The following CTNNA3 variants were observed in gnomAD, a reference collection of about 807,000 sequenced individuals.
The protein encoded by CTNNA3 is catenin alpha-3.
In CTNNA3, 76 loss-of-function variants were observed where a neutral mutation model predicts 95.7. The ratio of observed to expected loss-of-function variants is 0.79; its 90% CI spans 0.66 to 0.96. CTNNA3 has a LOEUF of 0.96. CTNNA3 is among the 40% of genes least tolerant of loss of function. The pLI, the probability that CTNNA3 is intolerant of heterozygous loss-of-function variation, is 0.00. For missense variants in CTNNA3, 1,191 were observed against 1,089.8 expected, an observed-to-expected ratio of 1.09 and a Z score of -1.31; for synonymous variants, 431 against 374.4, an observed-to-expected ratio of 1.15 and a Z score of -1.74.
chr10:66,791,456 T>C (rs1048232643), intron 7 of CTNNA3, among the ~76,000 whole-genome samples: 9 of 152,200 alleles, frequency 5.9e-5, no homozygotes, highest in African/African-American at 2.2e-4. Context: ...CCTCCTATAT[T>C]CTTATCCTGG....
chr10:67,257,743 TTTTC>T (rs1866421531), intron 5 of CTNNA3, among the ~76,000 whole-genome samples: 1 of 152,190 alleles, frequency 6.6e-6, no homozygotes, highest in African/African-American at 2.4e-5. Flanking sequence ...AAACCAAATT[TTTTC>T]TTTAATTAAA....
At chr10:67,130,759 C>T (rs1365008462) in intron 7 of CTNNA3, among the ~76,000 whole-genome samples, 2 of 152,048 alleles carry the variant, frequency 1.3e-5, no homozygotes, top group African/African-American at 4.8e-5. Context: ...TCAATGGGTC[C>T]TGGCCTGGAA....
chr10:66,318,969 C>A (rs1365008667), intron 12 of CTNNA3, among the ~76,000 whole-genome samples: 2 of 151,734 alleles, frequency 1.3e-5, no homozygotes, highest in Non-Finnish European at 2.9e-5. Context: ...CACTCGTTCA[C>A]GCATTGCAAG....
intron 15 of CTNNA3, among the ~76,000 whole-genome samples, chr10:66,059,214 G>C (rs1381935687): frequency 6.6e-6 from 1 of 152,046 alleles, no homozygotes; most frequent in Non-Finnish European, 1.5e-5. Flanking sequence ...CATCTCATTT[G>C]GCTGACAAAT....
At chr10:66,485,487 T>C (rs1839694038) in intron 11 of CTNNA3, among the ~76,000 whole-genome samples, 1 of 152,056 alleles carries the variant, frequency 6.6e-6, no homozygotes, top group Admixed American at 6.5e-5. Context: ...AACAATGTCA[T>C]TTCAACAGCA....
At chr10:67,065,757 C>G (rs547448165) in intron 7 of CTNNA3, among the ~76,000 whole-genome samples, 1 of 152,064 alleles carries the variant, frequency 6.6e-6, no homozygotes, top group East Asian at 1.9e-4. Flanking sequence ...TGTGAATGAC[C>G]AAATGGAAAG....
chr10:66,322,727 A>G (rs2132292865), intron 12 of CTNNA3, among the ~76,000 whole-genome samples: 1 of 152,152 alleles, frequency 6.6e-6, no homozygotes, highest in South Asian at 2.1e-4. Context: ...TGCTGAATAT[A>G]TGTTGCCAGC....
chr10:66,429,473 C>A (rs2093275275), intron 11 of CTNNA3, among the ~76,000 whole-genome samples: 1 of 152,122 alleles, frequency 6.6e-6, no homozygotes, highest in Non-Finnish European at 1.5e-5. Context: ...AGACCAATAT[C>A]CCTGATGAAC....
intron 3 of CTNNA3, among the ~76,000 whole-genome samples, chr10:67,571,141 A>G (rs1841960899): frequency 1.3e-5 from 2 of 152,114 alleles, no homozygotes; most frequent in South Asian, 4.1e-4. Flanking sequence ...CTACAATAAT[A>G]CTGATTTGTA....
intron 7 of CTNNA3, among the ~76,000 whole-genome samples, chr10:66,847,581 C>T (rs1589327272): frequency 6.6e-6 from 1 of 152,102 alleles, no homozygotes; most frequent in South Asian, 2.1e-4. Flanking sequence ...TAAAATAATA[C>T]TCATCTCAGA....
At chr10:66,998,693 A>G (rs1471545953) in intron 7 of CTNNA3, among the ~76,000 whole-genome samples, 1 of 152,180 alleles carries the variant, frequency 6.6e-6, no homozygotes, top group Non-Finnish European at 1.5e-5. Flanking sequence ...GAGAAATAAC[A>G]TTGTCCAGAA....
chr10:66,724,712 A>G (rs1055726554), intron 9 of CTNNA3, among the ~76,000 whole-genome samples: 1 of 152,212 alleles, frequency 6.6e-6, no homozygotes, highest in African/African-American at 2.4e-5. Context: ...CTTTGGAAAG[A>G]GAAGTTAAAA....
rs188619912 is a variant in CTNNA3, at chr10:67,682,370, G to C, written c.-6+13630C>G. 8.6e-5 allele frequency among the ~76,000 whole-genome samples: 13 copies of C among 151,182 alleles called. No homozygotes were observed. In the East Asian group the frequency reaches 1.4e-3, roughly 16 times the overall value. Reference sequence around the variant, plus strand: ...AATAGAAAAAATTGGGCAAGTATTTGTAAAGGCAATTTATGTAAAAAGAAG... The same window carrying C: ...AATAGAAAAAATTGGGCAAGTATTTCTAAAGGCAATTTATGTAAAAAGAAG... On this transcript the variant is annotated intron_variant, in intron 1 of 17. Transcript: ENST00000433211.
At chr10:66,907,226 G>A (rs922161235) in intron 7 of CTNNA3, among the ~76,000 whole-genome samples, 2 of 152,140 alleles carry the variant, frequency 1.3e-5, no homozygotes, top group South Asian at 4.1e-4. Flanking sequence ...TCAGAGGTAA[G>A]TTATAATTTG....
intron 9 of CTNNA3, among the ~76,000 whole-genome samples, chr10:66,726,833 C>A (rs954664731): frequency 6.6e-6 from 1 of 152,034 alleles, no homozygotes; most frequent in Non-Finnish European, 1.5e-5. Context: ...AAAGACAATT[C>A]TTCTTATTGA....
intron 10 of CTNNA3, among the ~76,000 whole-genome samples, chr10:66,542,984 A>G (rs1176181799): frequency 2.0e-5 from 3 of 152,194 alleles, no homozygotes; most frequent in African/African-American, 4.8e-5. Context: ...TGAAATAACT[A>G]AGGTAAACAT....
At chr10:66,197,635 G>C (rs2087051628) in intron 13 of CTNNA3, among the ~76,000 whole-genome samples, 1 of 152,108 alleles carries the variant, frequency 6.6e-6, no homozygotes, top group Admixed American at 6.6e-5. Flanking sequence ...TCAGATTTCT[G>C]TCTTCCTAGA....
chr10:66,951,846 G>T (rs966772879), intron 7 of CTNNA3, among the ~76,000 whole-genome samples: 7 of 152,116 alleles, frequency 4.6e-5, no homozygotes, highest in African/African-American at 1.4e-4. Flanking sequence ...CATCTCACCT[G>T]GCCTGATTAA....
intron 7 of CTNNA3, among the ~76,000 whole-genome samples, chr10:66,988,187 T>C (rs1850843031): frequency 6.6e-6 from 1 of 152,144 alleles, no homozygotes; most frequent in Non-Finnish European, 1.5e-5. Context: ...GGTTTCCTAA[T>C]CTTCAAACTC....
Sources: gnomAD v4.1 joint callset for allele counts (sites outside exome capture counted in the v4.1 genomes callset) on GRCh38, gnomAD v4.1.1 for gene constraint, MANE v1.5 for transcripts, NCBI Gene and HGNC (gene_info 2026-07-23, HGNC 2026-07-21) for gene names.